Variants in LRP2BP observed in about 807,000 individuals in gnomAD.
LRP2BP encodes LRP2 binding protein, also known as LRP2-binding protein.
LRP2BP carries 38 observed loss-of-function variants against 45.2 expected under a neutral mutation model. That is an observed-to-expected ratio of 0.84 (90% CI 0.65 to 1.10). The LOEUF is 1.10. Among genes scored for constraint, LRP2BP ranks in the 50% least tolerant of loss-of-function variants. The pLI, the probability that LRP2BP is intolerant of heterozygous loss-of-function variation, is 0.00. For missense variants in LRP2BP, 385 were observed against 418.9 expected (o/e 0.92, Z 0.71); for synonymous variants, 153 against 153.9 (o/e 0.99, Z 0.04).
At position 185,378,127 on chromosome 4, in the gene LRP2BP, A is replaced by G. The variant is rs1481159395; in HGVS notation, c.60T>C (p.Tyr20=). The change falls in exon 2 of 9, where the codon TAT becomes TAC. Residue 20 remains tyrosine (Y), a synonymous_variant. Transcript: ENST00000505916. ...GGAAAAATTTTTGGTTTTTAGCAGCATACTGAGATACAGAGGCATAAAAGG... is the reference window on the plus strand; with the variant it reads ...GGAAAAATTTTTGGTTTTTAGCAGCGTACTGAGATACAGAGGCATAAAAGG... The part of the protein sequence containing the change: ...KNPFYASVSQ[Y]AAKNQKFFQW... 1.2e-6 allele frequency: 2 copies of G among 1,614,114 alleles called. No homozygotes were observed. Among genetic ancestry groups the G allele is most frequent in the South Asian group, 1.1e-5 (1 of 91,062 alleles).
chr4:185,371,848 C>G (rs139605265), intron 7 of LRP2BP, among the ~76,000 whole-genome samples: 3 of 152,258 alleles, frequency 2.0e-5, no homozygotes, highest in Non-Finnish European at 4.4e-5. Context: ...CCTTCATCCT[C>G]TCTTGTAGAT....
Position 185,376,443 on chromosome 4 carries a change from C to CTTTT in LRP2BP, c.216+462_216+465dup, listed in dbSNP as rs34024562. On this transcript the variant is annotated intron_variant, in intron 3 of 8. Coordinates refer to ENST00000505916, the MANE Select transcript of LRP2BP (RefSeq NM_001377440.1). ...AGATGTGTGCCACCATGCCCAGCTA[C>CTTTT]TTTTTTTTTTTTTTTTTTTTTTGTA... Among the ~76,000 whole-genome samples, 611 of 105,738 alleles carry CTTTT rather than the reference C, an allele frequency of 5.8e-3. 11 individuals are homozygous for CTTTT. Among genetic ancestry groups the CTTTT allele is most frequent in the African/African-American group, 0.022 (558 of 25,654 alleles). The allele number at this position is 105,738 out of a possible 152,430, so 69.4% of individuals were successfully genotyped here.
rs948966257 is a variant in LRP2BP at position 185,364,472 on chromosome 4, C to T, written c.*2708G>A. ...GAAAACAAAACAATTAAACAAGTAA[C>T]AGGTAAAAATTCCATTTGAATCCCT... is the stretch of plus-strand genomic sequence containing the variant. On this transcript the variant is annotated 3_prime_UTR_variant, in exon 9 of 9. Coordinates refer to ENST00000505916, the MANE Select transcript of LRP2BP (RefSeq NM_001377440.1). 1 of 152,110 alleles carries T rather than the reference C, an allele frequency of 6.6e-6. No individual in the cohort carries two copies. Among genetic ancestry groups the T allele is most frequent in the African/African-American group, 2.4e-5 (1 of 41,414 alleles). The allele number at this position is 152,110 out of a possible 1,614,324, so 9.4% of individuals were successfully genotyped here. A position where few individuals can be genotyped will look rare whatever the true frequency, so the allele number is the denominator to read the frequency against.
At chr4:185,391,188 G>T (rs990930862) in intron 1 of LRP2BP, among the ~76,000 whole-genome samples, 1 of 152,134 alleles carries the variant, frequency 6.6e-6, no homozygotes, top group East Asian at 1.9e-4. Context: ...GATTAGACTG[G>T]GCTATGGGTT....
At chr4:185,367,648 T>C (rs1378849417) in intron 8 of LRP2BP, among the ~76,000 whole-genome samples, 2 of 152,216 alleles carry the variant, frequency 1.3e-5, no homozygotes, top group African/African-American at 4.8e-5. Context: ...AATTTTATTA[T>C]GTCTAAATAG....
chr4:185,378,421 T>C lies in LRP2BP; in HGVS notation c.-21-214A>G, dbSNP rs983835343. 7 of 1,345,016 alleles carry C rather than the reference T, an allele frequency of 5.2e-6. No homozygotes were observed. The Admixed American group carries it at 2.3e-4, about 44-fold the overall frequency. 83.3% of individuals were successfully genotyped at this position (1,345,016 alleles called of 1,614,324 possible). On this transcript the variant is annotated intron_variant, in intron 1 of 8. Transcript: ENST00000505916. ...AGAGACAGCCATTCTCCATGTCATT[T>C]TCCACAGCATCGCATTCACCATGAG... is the stretch of plus-strand genomic sequence containing the variant.
At chr4:185,375,487 A>AAAATATGTAT (rs1554018308) in intron 4 of LRP2BP, 126 bp downstream of exon 4, 6 of 12,018 alleles carry the variant, frequency 5.0e-4, no homozygotes, top group Non-Finnish European at 8.8e-4. Flanking sequence ...AAAAAAAAAA[A>AAAATATGTAT]ATATATATAT....
At chr4:185,374,568 A>G in intron 4 of LRP2BP, 107 bp from the exon 5 acceptor site, 1 of 1,184,740 alleles carries the variant, frequency 8.4e-7, no homozygotes, top group East Asian at 2.4e-5. Context: ...CACGATGTAT[A>G]ATACTATGAA....
rs752169287 is a variant in LRP2BP, at chr4:185,395,148, A to G, written c.-391T>C. On this transcript the variant is annotated 5_prime_UTR_variant, in exon 1 of 9. Coordinates refer to ENST00000505916, the MANE Select transcript of LRP2BP (RefSeq NM_001377440.1). The stretch of plus-strand genomic sequence containing the variant: ...AGGTACGCTGTGATTAAAGGGAGAA[A>G]AGCTGTAACGACTCCCCAAATTTCC... 2.5e-5 allele frequency: 25 copies of G among 985,320 alleles called. No individual in the cohort carries two copies. The highest frequency in any genetic ancestry group is 4.7e-5 in the South Asian group (1 of 21,294). The allele number at this position is 985,320 out of a possible 1,614,324, so 61.0% of individuals were successfully genotyped here.
chr4:185,367,763 G>A (rs1034048125), intron 8 of LRP2BP, among the ~76,000 whole-genome samples: 7 of 152,114 alleles, frequency 4.6e-5, no homozygotes, highest in Non-Finnish European at 8.8e-5. Flanking sequence ...ACGACAGTTG[G>A]TCACTAGGTA....
chr4:185,378,486 C>G, intron 1 of LRP2BP: 4 of 1,133,246 alleles, frequency 3.5e-6, no homozygotes, highest in Non-Finnish European at 3.3e-6. Context: ...GTTTATACAT[C>G]AAGATGGGTC....
In LRP2BP at chr4:185,365,207, A is replaced by G. The variant is rs893864217; in HGVS notation, c.*1973T>C. 7 of 152,146 alleles carry G rather than the reference A, an allele frequency of 4.6e-5. No homozygotes were observed. The highest frequency in any genetic ancestry group is 8.8e-5 in the Non-Finnish European group (6 of 68,026). The allele number at this position is 152,146 out of a possible 1,614,324, so 9.4% of individuals were successfully genotyped here. A position where few individuals can be genotyped will look rare whatever the true frequency, so the allele number is the denominator to read the frequency against. ...AGTAAACTGAAATTTTAAATTCTGC[A>G]TTGGATTTATAGAAGACATATAAGC... is the stretch of plus-strand genomic sequence containing the variant. On this transcript the variant is annotated 3_prime_UTR_variant, in exon 9 of 9. Transcript: ENST00000505916.
At chr4:185,380,410 T>G (rs2095452439) in intron 1 of LRP2BP, among the ~76,000 whole-genome samples, 1 of 152,172 alleles carries the variant, frequency 6.6e-6, no homozygotes, top group Non-Finnish European at 1.5e-5. Context: ...CCTCTGGCCC[T>G]AGGGAAAAAT....
At chr4:185,397,087 G>A, upstream of LRP2BP, 1 of 1,609,964 alleles carries the variant, frequency 6.2e-7, no homozygotes, top group Non-Finnish European at 8.5e-7. Context: ...GAGGTTTCCA[G>A]CCCGGAGGGG....
Position 185,375,713 on chromosome 4 carries a change from T to G in LRP2BP, c.230A>C (p.Glu77Ala). 13 of 1,605,890 alleles carry G rather than the reference T, an allele frequency of 8.1e-6. No homozygotes were observed. The highest frequency in any genetic ancestry group is 1.7e-5 in the Admixed American group (1 of 59,672). ...GATTTCTTCAAACTGTTCTAATGCT[T>G]CTTCATACCATCCCTAGAAGCACCC... is the stretch of plus-strand genomic sequence containing the variant. ...QLYFEEGWYE[E>A]ALEQFEEIKE... The change falls in exon 4 of 9, where the codon GAA becomes GCA. Residue 77 changes from glutamate to alanine, a missense_variant. Coordinates refer to ENST00000505916, the MANE Select transcript of LRP2BP (RefSeq NM_001377440.1).
chr4:185,377,340 G>A (rs753608325), intron 2 of LRP2BP: 116 of 231,544 alleles, frequency 5.0e-4, no homozygotes, highest in Non-Finnish European at 1.1e-4. Context: ...CCAACATGGA[G>A]AAACCCCGTC....
chr4:185,397,266 C>T (rs780649180), upstream of LRP2BP: 1 of 1,614,122 alleles, frequency 6.2e-7, no homozygotes, highest in South Asian at 1.1e-5. Flanking sequence ...GCTTTCTTCT[C>T]TGGCAGCTGC....
intron 4 of LRP2BP, 118 bp downstream of exon 4, chr4:185,375,495 T>TATATATATATATATATATAC (rs2095432404): frequency 1.9e-5 from 1 of 52,600 alleles, no homozygotes; most frequent in Non-Finnish European, 3.0e-5. Context: ...AAAATATATA[T>TATATATATATATATATATAC]ATATATATAT....
chr4:185,387,996 C>T (rs1443824199), intron 1 of LRP2BP, among the ~76,000 whole-genome samples: 2 of 152,154 alleles, frequency 1.3e-5, no homozygotes, highest in East Asian at 1.9e-4. Flanking sequence ...ACAGGAAAAG[C>T]GACGCAGTAG....
Sources: gnomAD v4.1 joint callset for allele counts (sites outside exome capture counted in the v4.1 genomes callset) on GRCh38, gnomAD v4.1.1 for gene constraint, MANE v1.5 for transcripts, NCBI Gene and HGNC (gene_info 2026-07-23, HGNC 2026-07-21) for gene names.